The following CCDC167 variants were observed in gnomAD, a reference collection of about 807,000 sequenced individuals.
CCDC167 encodes coiled-coil domain containing 167.
CCDC167 carries 15 observed loss-of-function variants against 12.7 expected under a neutral mutation model. That is an observed-to-expected ratio of 1.18 (90% CI 0.79 to 1.81). CCDC167 has a LOEUF of 1.81. Among genes scored for constraint, CCDC167 ranks in the 40% most tolerant of loss-of-function variants. The probability of loss-of-function intolerance (pLI) is 0.00; values close to 1 mark genes in which losing one functional copy is unlikely to be tolerated. For synonymous variants in CCDC167, 52 were observed against 49.0 expected (o/e 1.06, Z -0.26); for missense variants, 121 against 120.1 (o/e 1.01, Z -0.03).
At chr6:37,484,985 C>T (rs1317439074) in intron 2 of CCDC167, 115 bp downstream of exon 2, 1 of 1,449,432 alleles carries the variant, frequency 6.9e-7, no homozygotes, top group Non-Finnish European at 9.6e-7. Flanking sequence ...TGCACTGAAG[C>T]TAAGATGTCA....
chr6:37,495,851 A>C (rs1313570062), intron 1 of CCDC167, among the ~76,000 whole-genome samples: 2 of 152,234 alleles, frequency 1.3e-5, no homozygotes, highest in East Asian at 3.8e-4. Flanking sequence ...TGAGCACACA[A>C]CTTTTAATAA....
At chr6:37,494,439 A>T (rs1412912868) in intron 1 of CCDC167, among the ~76,000 whole-genome samples, 1 of 152,132 alleles carries the variant, frequency 6.6e-6, no homozygotes, top group Non-Finnish European at 1.5e-5. Flanking sequence ...CTTACAGCAG[A>T]TACTGTCAAC....
chr6:37,485,277 G>A (rs1761928594), intron 1 of CCDC167, 83 bp from the exon 2 acceptor site: 3 of 1,060,014 alleles, frequency 2.8e-6, no homozygotes, highest in African/African-American at 1.5e-5. Context: ...GCCTCCGGGA[G>A]TCTTCTTGGA....
chr6:37,493,383 C>T (rs542110980), intron 1 of CCDC167, among the ~76,000 whole-genome samples: 1 of 152,354 alleles, frequency 6.6e-6, no homozygotes, highest in African/African-American at 2.4e-5. Flanking sequence ...AGGCTCAAAG[C>T]ACTTTTCAAG....
Position 37,485,114 on chromosome 6 carries a change from C to T in CCDC167, c.123G>A (p.Leu41=), listed in dbSNP as rs745367076. Residue 41 remains leucine, a synonymous_variant, in exon 2 of 4, where the codon CTG becomes CTA. Coordinates refer to ENST00000373408, the MANE Select transcript of CCDC167 (RefSeq NM_138493.3). ...AGGAGCATTACCTGGCCTCTGGGCTCAGCTCCCGGCTGTGGAGTCTGGAGT... is the reference window on the plus strand; with the variant it reads ...AGGAGCATTACCTGGCCTCTGGGCTTAGCTCCCGGCTGTGGAGTCTGGAGT... The part of the protein sequence containing the change: ...AVNSRLHSRE[L]SPEARRSLEK... 1.1e-5 allele frequency: 17 copies of T among 1,612,628 alleles called. No individual in the cohort carries two copies. Among genetic ancestry groups the T allele is most frequent in the Non-Finnish European group, 7.6e-6 (9 of 1,179,914 alleles).
intron 1 of CCDC167, among the ~76,000 whole-genome samples, chr6:37,494,150 C>G (rs1762067419): frequency 1.3e-5 from 2 of 151,008 alleles, no homozygotes; most frequent in Admixed American, 1.3e-4. Flanking sequence ...ACCGCAACCT[C>G]CACCTCCCAG....
intron 1 of CCDC167, among the ~76,000 whole-genome samples, chr6:37,492,510 C>A (rs149933884): frequency 1.1e-3 from 174 of 152,314 alleles, no homozygotes; most frequent in African/African-American, 4.0e-3. Flanking sequence ...GGCATTTTGC[C>A]CCAGATCACC....
chr6:37,493,207 C>T (rs922620109), intron 1 of CCDC167, among the ~76,000 whole-genome samples: 1 of 152,212 alleles, frequency 6.6e-6, no homozygotes, highest in African/African-American at 2.4e-5. Context: ...CGCCTTCCCG[C>T]GAGGAGACGG....
rs557368313 is a variant in CCDC167, at chr6:37,493,408, C to G, written c.42+6414G>C. On this transcript the variant is annotated intron_variant, in intron 1 of 3. Coordinates refer to ENST00000373408, the MANE Select transcript of CCDC167 (RefSeq NM_138493.3). ...CACTTTTCAAGAACTGGCATCCACCCCGAGCCTTATGAATTCATTAATTAA... is the reference window on the plus strand; with the variant it reads ...CACTTTTCAAGAACTGGCATCCACCGCGAGCCTTATGAATTCATTAATTAA... Among the ~76,000 whole-genome samples the G allele has an allele frequency of 2.0e-3, 302 of 152,338 alleles. 2 individuals carry two copies. The highest frequency in any genetic ancestry group is 5.9e-3 in the African/African-American group (247 of 41,568).
At position 37,494,142 on chromosome 6, in the gene CCDC167, C is replaced by T. The variant is rs186301078; in HGVS notation, c.42+5680G>A. ...GTGCGATGGCACCATCTCGGCTCAC[C>T]GCAACCTCCACCTCCCAGGTTCAAG... On this transcript the variant is annotated intron_variant, in intron 1 of 3. Transcript: ENST00000373408. Among the ~76,000 whole-genome samples, 1,101 of 151,088 alleles carry T rather than the reference C, an allele frequency of 7.3e-3. 13 individuals carry two copies. Among genetic ancestry groups the T allele is most frequent in the African/African-American group, 0.025 (1,008 of 41,044 alleles).
intron 1 of CCDC167, among the ~76,000 whole-genome samples, chr6:37,488,119 C>T (rs192552605): frequency 1.1e-4 from 16 of 152,338 alleles, no homozygotes; most frequent in Admixed American, 6.5e-5. Flanking sequence ...GGGCCTGGTT[C>T]GGGAAGCTGA....
rs1761923782 is a variant in CCDC167 at position 37,484,971 on chromosome 6, G to GGT, written c.138-111_138-110dup. 5 of 1,465,406 alleles carry GGT rather than the reference G, an allele frequency of 3.4e-6. No individual in the cohort carries two copies. In the East Asian group the frequency reaches 1.1e-4, roughly 33 times the overall value. 90.8% of individuals were successfully genotyped at this position (1,465,406 alleles called of 1,614,324 possible). ...TTGGGTCTTGTTCGGCGGCAGGGGG[G>GGT]GTGTGCACTGAAGCTAAGATGTCAG... On this transcript the variant is annotated intron_variant, in intron 2 of 3. Coordinates refer to ENST00000373408, the MANE Select transcript of CCDC167 (RefSeq NM_138493.3).
At chr6:37,494,342 C>A (rs1197002278) in intron 1 of CCDC167, among the ~76,000 whole-genome samples, 1 of 152,172 alleles carries the variant, frequency 6.6e-6, no homozygotes, top group Non-Finnish European at 1.5e-5. Flanking sequence ...GGATTACAGG[C>A]GTGAGCCACC....
intron 1 of CCDC167, among the ~76,000 whole-genome samples, chr6:37,493,581 G>A (rs923797813): frequency 1.2e-4 from 19 of 152,332 alleles, no homozygotes; most frequent in African/African-American, 4.6e-4. Context: ...TGTCGCTCTC[G>A]CCTGGCAGCA....
rs1762143863 is a variant in CCDC167 at position 37,499,871 on chromosome 6, G to C, written c.-8C>G. On this transcript the variant is annotated 5_prime_UTR_variant, in exon 1 of 4. Transcript: ENST00000373408. ...CCGCTTCTTTTTAGTCATGTTACTT[G>C]CCGGGATCCCCCAGTCATCACTGGA... The C allele has an allele frequency of 6.2e-7, 1 of 1,614,092 alleles. No individual in the cohort carries two copies. Among genetic ancestry groups the C allele is most frequent in the Non-Finnish European group, 8.5e-7 (1 of 1,179,990 alleles).
intron 1 of CCDC167, among the ~76,000 whole-genome samples, chr6:37,491,511 C>T (rs1328790626): frequency 6.6e-6 from 1 of 152,162 alleles, no homozygotes; most frequent in Non-Finnish European, 1.5e-5. Context: ...GACAGGTTTG[C>T]TACAGGGTCA....
rs763650695 is a variant in CCDC167 at position 37,483,130 on chromosome 6, G to C, written c.*56C>G. ...CTATTGAGGCTTGAAGTGCCTGCTT[G>C]ATCCTGATCAAGGGGCCAAGTGGAA... On this transcript the variant is annotated 3_prime_UTR_variant, in exon 4 of 4. Transcript: ENST00000373408. 40 of 1,355,244 alleles carry C rather than the reference G, an allele frequency of 3.0e-5. No individual in the cohort carries two copies. Among genetic ancestry groups the C allele is most frequent in the Non-Finnish European group, 4.1e-5 (39 of 944,276 alleles). 84.0% of individuals were successfully genotyped at this position (1,355,244 alleles called of 1,614,324 possible). A position where few individuals can be genotyped will look rare whatever the true frequency, so the allele number is the denominator to read the frequency against.
chr6:37,483,163 C>G lies in CCDC167; in HGVS notation c.*23G>C, dbSNP rs908087487. 1.0e-5 allele frequency: 16 copies of G among 1,574,254 alleles called. No homozygotes were observed. The highest frequency in any genetic ancestry group is 1.4e-5 in the Non-Finnish European group (16 of 1,143,740). On this transcript the variant is annotated 3_prime_UTR_variant, in exon 4 of 4. Transcript: ENST00000373408. ...TCAAGGGGCCAAGTGGAAGCCTGTG[C>G]TGGTTGTGGGGAAGTGCCAGGCTCA...
chr6:37,484,796 AG>A lies in CCDC167; in HGVS notation c.190+13del. 6.2e-7 allele frequency: 1 copy of A among 1,614,208 alleles called. No homozygotes were observed. The highest frequency in any genetic ancestry group is 8.5e-7 in the Non-Finnish European group (1 of 1,180,020). On this transcript the variant is annotated intron_variant, in intron 3 of 3. Transcript: ENST00000373408. ...CTGGAGGCTGGGGCTGGTAACTGAAAGGAACTTTCTTACCGTAGTTGGAGGC... is the reference window on the plus strand; with the variant it reads ...CTGGAGGCTGGGGCTGGTAACTGAAAGAACTTTCTTACCGTAGTTGGAGGC...
Sources: allele counts gnomAD v4.1 joint callset (sites outside exome capture counted in the v4.1 genomes callset), GRCh38; gene constraint gnomAD v4.1.1; transcripts MANE v1.5; gene names NCBI Gene and HGNC (gene_info 2026-07-23, HGNC 2026-07-21).